Variants in STK33 observed in about 807,000 individuals in gnomAD.
The protein encoded by STK33 is serine/threonine kinase 33, also known as serine/threonine-protein kinase 33.
Under a neutral mutation model 58.0 loss-of-function variants are expected in STK33, and 52 were observed. The observed-to-expected ratio is 0.90, with a 90% CI of 0.72 to 1.13. The LOEUF is 1.13. Among genes scored for constraint, STK33 ranks in the 50% most tolerant of loss-of-function variants. STK33 has a pLI of 0.00. For missense variants in STK33, 630 were observed against 604.2 expected (o/e 1.04, Z -0.45); for synonymous variants, 215 against 200.1 (o/e 1.07, Z -0.63).
chr11:8,371,489 T>A, the STK33 span, among the ~76,000 whole-genome samples: 1 of 152,214 alleles, frequency 6.6e-6, no homozygotes, highest in African/African-American at 2.4e-5. Context: ...GGAAATGCAT[T>A]TCTGTTGTTT....
chr11:8,419,710 A>G lies in STK33; in HGVS notation c.1147-6018T>C, dbSNP rs140447580. The stretch of plus-strand genomic sequence containing the variant: ...TTAATGATATTGATTCTTCCGATCC[A>G]TGAGCATGTAATGCTTTTCCGTTTT... On this transcript the variant is annotated intron_variant, in intron 14 of 15. Coordinates refer to ENST00000687296, the MANE Select transcript of STK33 (RefSeq NM_001352389.2). Among the ~76,000 whole-genome samples, 495 of 152,302 alleles carry G rather than the reference A, an allele frequency of 3.3e-3. 4 individuals carry two copies. Among genetic ancestry groups the G allele is most frequent in the African/African-American group, 0.011 (470 of 41,590 alleles).
At chr11:8,346,102 T>G in the STK33 span, among the ~76,000 whole-genome samples, 1 of 152,138 alleles carries the variant, frequency 6.6e-6, no homozygotes, top group African/African-American at 2.4e-5. Flanking sequence ...TTCTCGCAGG[T>G]GTGACCAGGC....
chr11:8,405,912 G>A (rs1272168287), intron 15 of STK33, among the ~76,000 whole-genome samples: 2 of 152,144 alleles, frequency 1.3e-5, no homozygotes, highest in African/African-American at 2.4e-5. Context: ...GGAGGCCGAG[G>A]TGGGCGGATC....
At chr11:8,484,464 C>T (rs895620589) in intron 1 of STK33, among the ~76,000 whole-genome samples, 1 of 152,088 alleles carries the variant, frequency 6.6e-6, no homozygotes, top group African/African-American at 2.4e-5. Flanking sequence ...AAAATACAAC[C>T]CTACGGGAGC....
chr11:8,401,024 G>A (rs943662375), intron 15 of STK33, among the ~76,000 whole-genome samples: 2 of 152,082 alleles, frequency 1.3e-5, no homozygotes, highest in Non-Finnish European at 2.9e-5. Flanking sequence ...AATCAATATC[G>A]TGAAAATGGC....
intron 15 of STK33, among the ~76,000 whole-genome samples, chr11:8,410,429 A>G (rs1940010965): frequency 6.6e-6 from 1 of 151,798 alleles, no homozygotes; most frequent in Admixed American, 6.6e-5. Context: ...AAAAATTATC[A>G]CAAAAGAAAA....
At chr11:8,406,435 G>A (rs966738809) in intron 15 of STK33, among the ~76,000 whole-genome samples, 4 of 152,088 alleles carry the variant, frequency 2.6e-5, no homozygotes, top group Non-Finnish European at 4.4e-5. Context: ...AACTGGGATT[G>A]GTTTAAACAT....
At chr11:8,509,070 C>T (rs957163469) in intron 1 of STK33, among the ~76,000 whole-genome samples, 23 of 136,438 alleles carry the variant, frequency 1.7e-4, no homozygotes, top group African/African-American at 6.0e-4. Flanking sequence ...GAGCCAAGGT[C>T]GTGCCATTGC....
chr11:8,508,719 T>C (rs1347263444), intron 1 of STK33, among the ~76,000 whole-genome samples: 1 of 152,152 alleles, frequency 6.6e-6, no homozygotes, highest in Non-Finnish European at 1.5e-5. Context: ...TCGGGACATG[T>C]GAGGAATTAA....
At chr11:8,517,232 C>T (rs1013644280) in intron 1 of STK33, among the ~76,000 whole-genome samples, 11 of 152,284 alleles carry the variant, frequency 7.2e-5, no homozygotes, top group South Asian at 4.1e-4. Context: ...GTCTAGAGTA[C>T]GCCTCCAGCA....
chr11:8,344,414 C>A, the STK33 span, among the ~76,000 whole-genome samples: 2 of 152,304 alleles, frequency 1.3e-5, no homozygotes, highest in South Asian at 2.1e-4. Context: ...ACAGCAAACA[C>A]TTCTATAGCA....
chr11:8,389,156 G>GGAA, downstream of STK33, among the ~76,000 whole-genome samples: 1 of 152,340 alleles, frequency 6.6e-6, no homozygotes, highest in East Asian at 1.9e-4. Flanking sequence ...AACCCACAAA[G>GGAA]GAAGACATAG....
chr11:8,588,909 A>G (rs529083828), intron 1 of STK33, among the ~76,000 whole-genome samples: 2 of 152,306 alleles, frequency 1.3e-5, no homozygotes, highest in African/African-American at 4.8e-5. Context: ...TCATATTAAC[A>G]CATGAAAAGA....
At chr11:8,379,616 C>A in the STK33 span, among the ~76,000 whole-genome samples, 1 of 152,058 alleles carries the variant, frequency 6.6e-6, no homozygotes, top group Admixed American at 6.5e-5. Context: ...TTGAAGAATG[C>A]CCTTTTTTTA....
At chr11:8,457,718 T>C (rs940896462) in intron 8 of STK33, among the ~76,000 whole-genome samples, 1 of 152,216 alleles carries the variant, frequency 6.6e-6, no homozygotes, top group Admixed American at 6.5e-5. Flanking sequence ...TAAGTGCTAA[T>C]GGCCCCAAAT....
chr11:8,357,272 G>A, the STK33 span, among the ~76,000 whole-genome samples: 3 of 152,194 alleles, frequency 2.0e-5, no homozygotes, highest in Admixed American at 6.5e-5. Flanking sequence ...TCTGCAGCTC[G>A]CTGGGTCCGG....
At chr11:8,544,231 A>G (rs538169158) in intron 1 of STK33, among the ~76,000 whole-genome samples, 255 of 150,496 alleles carry the variant, frequency 1.7e-3, no homozygotes, top group Non-Finnish European at 2.8e-3. Context: ...TCATTGTTCA[A>G]CTCCCACTTA....
intron 1 of STK33, among the ~76,000 whole-genome samples, chr11:8,484,330 C>A (rs575567046): frequency 6.6e-6 from 1 of 152,322 alleles, no homozygotes; most frequent in African/African-American, 2.4e-5. Context: ...ACTGTCAAAA[C>A]CCGATGCATG....
intron 11 of STK33, among the ~76,000 whole-genome samples, chr11:8,451,525 A>G (rs1254999580): frequency 6.6e-6 from 1 of 152,184 alleles, no homozygotes; most frequent in African/African-American, 2.4e-5. Context: ...TGAAATGTGC[A>G]GAAAAGAAAA....
Sources: gnomAD v4.1 joint callset for allele counts (sites outside exome capture counted in the v4.1 genomes callset) on GRCh38, gnomAD v4.1.1 for gene constraint, MANE v1.5 for transcripts, NCBI Gene and HGNC (gene_info 2026-07-23, HGNC 2026-07-21) for gene names.